LYN: variants seen among roughly 807,000 people sequenced by gnomAD.
LYN encodes tyrosine-protein kinase Lyn.
In LYN, 12 loss-of-function variants were observed where a neutral mutation model predicts 65.0. The ratio of observed to expected loss-of-function variants is 0.18; its 90% CI spans 0.12 to 0.30. The LOEUF (loss-of-function observed/expected upper bound fraction) is 0.30, where lower values mean the gene tolerates loss of function less well. LYN is among the 10% of genes least tolerant of loss of function. LYN has a pLI of 1.00. For synonymous variants in LYN, 222 were observed against 221.2 expected, an observed-to-expected ratio of 1.00 and a Z score of -0.03; for missense variants, 380 against 623.2, an observed-to-expected ratio of 0.61 and a Z score of 4.16.
chr8:55,989,748 T>C (rs1340960076), intron 10 of LYN, among the ~76,000 whole-genome samples: 1 of 152,188 alleles, frequency 6.6e-6, no homozygotes, highest in Non-Finnish European at 1.5e-5. Flanking sequence ...CCATGGCTCA[T>C]GACACAGCCA....
intron 7 of LYN, among the ~76,000 whole-genome samples, chr8:55,953,628 T>C (rs898451901): frequency 6.6e-6 from 1 of 151,804 alleles, no homozygotes. Flanking sequence ...GCCTGGGCAA[T>C]AGGAGTGAAA....
rs182819811 is a variant in LYN at position 55,966,079 on chromosome 8, C to T, written c.791-636C>T. 3.1e-3 allele frequency among the ~76,000 whole-genome samples: 473 copies of T among 152,020 alleles called. 1 individual carries two copies. The highest frequency in any genetic ancestry group is 0.011 in the African/African-American group (444 of 41,478). The stretch of plus-strand genomic sequence containing the variant: ...GGTGGAGGTTGCAGTGAGCCAAGAT[C>T]GTGCCACTACACTCCAGCCTGGGCG... On this transcript the variant is annotated intron_variant, in intron 8 of 12. Coordinates refer to ENST00000519728, the MANE Select transcript of LYN (RefSeq NM_002350.4).
intron 1 of LYN, among the ~76,000 whole-genome samples, chr8:55,916,409 G>A (rs1805781301): frequency 6.6e-6 from 1 of 152,082 alleles, no homozygotes; most frequent in Admixed American, 6.6e-5. Flanking sequence ...ATTTCTTCTG[G>A]ACTTTGTCAG....
intron 8 of LYN, 88 bp downstream of exon 8, chr8:55,954,072 C>A: frequency 1.4e-6 from 2 of 1,386,080 alleles, no homozygotes; most frequent in Non-Finnish European, 1.0e-6. Context: ...AGCTTCTGAG[C>A]CAGACACTAA....
At chr8:55,942,395 G>GTATATATATGTGTA (rs35946646) in intron 2 of LYN, among the ~76,000 whole-genome samples, 11 of 130,680 alleles carry the variant, frequency 8.4e-5, no homozygotes, top group African/African-American at 2.8e-4. Context: ...ATATATATGT[G>GTATATATATGTGTA]TATATATGTG....
Position 55,934,111 on chromosome 8 carries a change from A to C in LYN, c.-5-7744A>C, listed in dbSNP as rs567456762. 6.6e-5 allele frequency among the ~76,000 whole-genome samples: 10 copies of C among 152,288 alleles called. No homozygotes were observed. The East Asian group carries it at 1.7e-3, about 26-fold the overall frequency. On this transcript the variant is annotated intron_variant, in intron 1 of 12. Coordinates refer to ENST00000519728, the MANE Select transcript of LYN (RefSeq NM_002350.4). ...CATGGTGGCGAGCGCCTGTAGTCCC[A>C]GCTACTCAGGAGGCTGAGGCAGGAG...
intron 1 of LYN, among the ~76,000 whole-genome samples, chr8:55,888,953 A>G (rs1234396182): frequency 6.6e-6 from 1 of 152,132 alleles, no homozygotes; most frequent in Non-Finnish European, 1.5e-5. Flanking sequence ...TTTTTGTATT[A>G]TTTCAAATTT....
chr8:56,000,964 G>A (rs553087041), intron 12 of LYN, among the ~76,000 whole-genome samples: 6 of 152,280 alleles, frequency 3.9e-5, no homozygotes, highest in East Asian at 1.9e-4. Context: ...GGGAGAGACT[G>A]ATGTTTATCA....
intron 1 of LYN, among the ~76,000 whole-genome samples, chr8:55,886,365 G>A (rs987098827): frequency 6.6e-6 from 1 of 151,202 alleles, no homozygotes; most frequent in Admixed American, 6.6e-5. Flanking sequence ...TCAGCCTCCC[G>A]AGTAGCTGGG....
chr8:55,941,804 GAAGCA>G, intron 1 of LYN, 46 bp from the exon 2 acceptor site: 1 of 1,438,682 alleles, frequency 7.0e-7, no homozygotes, highest in South Asian at 1.2e-5. Context: ...TTGATGGCTT[GAAGCA>G]GTTCTGGAAT....
At chr8:55,887,703 G>A (rs1417528037) in intron 1 of LYN, among the ~76,000 whole-genome samples, 3 of 149,186 alleles carry the variant, frequency 2.0e-5, no homozygotes, top group African/African-American at 7.4e-5. Context: ...TCCACCTCCC[G>A]GGTTCAAGTG....
At chr8:55,930,516 T>C (rs537011831) in intron 1 of LYN, among the ~76,000 whole-genome samples, 1 of 152,340 alleles carries the variant, frequency 6.6e-6, no homozygotes, top group South Asian at 2.1e-4. Context: ...GAATGTCCCC[T>C]TCTGGTCCTT....
chr8:55,959,456 T>G (rs1807213516), intron 8 of LYN, among the ~76,000 whole-genome samples: 1 of 152,224 alleles, frequency 6.6e-6, no homozygotes, highest in Non-Finnish European at 1.5e-5. Context: ...ATTGTGCAGG[T>G]AAGTTCAATT....
Position 55,999,546 on chromosome 8 carries a change from C to G in LYN, c.1333C>G (p.Pro445Ala). The change falls in exon 12 of 13, where the codon CCA becomes GCA. Residue 445 changes from proline to alanine, a missense_variant. By Grantham distance (27) the Pro-to-Ala change is conservative. This residue lies in a region of LYN where 223 missense variants were observed against 430.0 expected (regional missense o/e 0.52). Coordinates refer to ENST00000519728, the MANE Select transcript of LYN (RefSeq NM_002350.4). Reference sequence around the variant, plus strand: ...TGTCACCTATGGGAAAATTCCCTACCCAGGTATGGTTTACTTAGCTATTTA... The same window carrying G: ...TGTCACCTATGGGAAAATTCCCTACGCAGGTATGGTTTACTTAGCTATTTA... ...EIVTYGKIPY[P>A]GRTNADVMTA... 1 of 1,613,554 alleles carries G rather than the reference C, an allele frequency of 6.2e-7. No individual in the cohort carries two copies.
At chr8:55,985,054 G>A (rs530031399) in intron 10 of LYN, among the ~76,000 whole-genome samples, 4 of 152,140 alleles carry the variant, frequency 2.6e-5, no homozygotes, top group Admixed American at 6.5e-5. Context: ...TTCAATAGTC[G>A]GGAAACACTG....
In LYN at chr8:55,994,140, G is replaced by A. The variant is rs538084644; in HGVS notation, c.1051-4206G>A. Among the ~76,000 whole-genome samples, 74 of 152,068 alleles carry A rather than the reference G, an allele frequency of 4.9e-4. 1 individual carries two copies. Among genetic ancestry groups the A allele is most frequent in the Admixed American group, 1.0e-3 (16 of 15,286 alleles). Reference sequence around the variant, plus strand: ...CCACCTTCAACAACAACAAATTAAGGTTTTAAAAAAAATAAACCAAGAAAG... The same window carrying A: ...CCACCTTCAACAACAACAAATTAAGATTTTAAAAAAAATAAACCAAGAAAG... On this transcript the variant is annotated intron_variant, in intron 10 of 12. Transcript: ENST00000519728.
At chr8:55,939,838 A>G (rs1018395575) in intron 1 of LYN, among the ~76,000 whole-genome samples, 7 of 152,130 alleles carry the variant, frequency 4.6e-5, no homozygotes. Flanking sequence ...TTAGAGATCA[A>G]CTCTAAACCC....
chr8:55,948,098 T>G (rs1806837329), intron 4 of LYN, among the ~76,000 whole-genome samples: 1 of 152,140 alleles, frequency 6.6e-6, no homozygotes, highest in Non-Finnish European at 1.5e-5. Flanking sequence ...CTCAGCCTCC[T>G]GAGAAGCTAG....
chr8:55,953,707 G>A (rs921311413), intron 7 of LYN, 125 bp from the exon 8 acceptor site: 6 of 684,670 alleles, frequency 8.8e-6, no homozygotes, highest in African/African-American at 5.5e-5. Context: ...TGTCAAGGAT[G>A]CATTTTAGTT....
Sources: allele counts gnomAD v4.1 joint callset (sites outside exome capture counted in the v4.1 genomes callset), GRCh38; gene constraint gnomAD v4.1.1; regional missense constraint gnomAD v4.1.1; transcripts MANE v1.5; gene names NCBI Gene and HGNC (gene_info 2026-07-23, HGNC 2026-07-21).